Variants in DTX1 observed in about 807,000 individuals in gnomAD.
The protein encoded by DTX1 is deltex E3 ubiquitin ligase 1.
DTX1 carries 26 observed loss-of-function variants against 57.8 expected under a neutral mutation model. The observed-to-expected ratio is 0.45, with a 90% CI of 0.33 to 0.62. The LOEUF (loss-of-function observed/expected upper bound fraction) is 0.62, where lower values mean the gene tolerates loss of function less well. Among genes scored for constraint, DTX1 ranks in the 20% least tolerant of loss-of-function variants. The pLI, the probability that DTX1 is intolerant of heterozygous loss-of-function variation, is 0.02. For missense variants in DTX1, 704 were observed against 895.3 expected (o/e 0.79, Z 2.73); for synonymous variants, 398 against 394.1 (o/e 1.01, Z -0.12).
At chr12:113,075,436 A>G (rs2044764857) in intron 2 of DTX1, among the ~76,000 whole-genome samples, 1 of 152,232 alleles carries the variant, frequency 6.6e-6, no homozygotes, top group African/African-American at 2.4e-5. Flanking sequence ...ACTTTCCCGC[A>G]GTTGAGGGGA....
intron 3 of DTX1, among the ~76,000 whole-genome samples, chr12:113,088,389 C>T (rs1017342383): frequency 1.3e-5 from 2 of 152,204 alleles, no homozygotes; most frequent in African/African-American, 4.8e-5. Flanking sequence ...TAGTGGTATG[C>T]ACTCATATAT....
At chr12:113,070,433 C>T (rs180815241) in intron 2 of DTX1, among the ~76,000 whole-genome samples, 135 of 152,356 alleles carry the variant, frequency 8.9e-4, no homozygotes, top group Admixed American at 7.4e-3. Flanking sequence ...GATCACTTCC[C>T]TCCGGGAAGC....
intron 7 of DTX1, 30 bp from the exon 8 acceptor site, chr12:113,095,011 TG>T: frequency 6.2e-7 from 1 of 1,604,150 alleles, no homozygotes; most frequent in Non-Finnish European, 8.5e-7. Context: ...GGGGGGGTGC[TG>T]GGAACTCACT....
At position 113,093,988 on chromosome 12, in the gene DTX1, C is replaced by T. The variant is rs181092674; in HGVS notation, c.1166-50C>T. ...CTGACCCAGTTCTGAGCCAAGCCTT[C>T]GGGGACAGACTCTGGGTACCCTCAA... On this transcript the variant is annotated intron_variant, in intron 5 of 9. Transcript: ENST00000548759. The surrounding 1 kb of genome is among the most constrained non-coding windows in gnomAD (Gnocchi z 4.2). 26 of 1,556,818 alleles carry T rather than the reference C, an allele frequency of 1.7e-5. No individual in the cohort carries two copies. Among genetic ancestry groups the T allele is most frequent in the African/African-American group, 8.1e-5 (6 of 73,870 alleles).
Position 113,077,661 on chromosome 12 carries a change from G to A in DTX1, c.497G>A (p.Arg166His), listed in dbSNP as rs146714593. The A allele has an allele frequency of 1.9e-6, 3 of 1,578,632 alleles. No individual in the cohort carries two copies. Among genetic ancestry groups the A allele is most frequent in the African/African-American group, 1.4e-5 (1 of 73,664 alleles). ...CAGATGAACCGCCAGACGCGCCGGC[G>A]CCGCCGCCTGCGCCGCCGCCTGGAC... is the stretch of plus-strand genomic sequence containing the variant. ...MSQMNRQTRR[R>H]RRLRRRLDLA... Residue 166 changes from arginine to histidine, a missense_variant, in exon 3 of 10, where the codon CGC becomes CAC. Around this residue, in one of 3 missense-constraint regions of DTX1, gnomAD observed 237 missense variants for 328.6 expected, o/e 0.72. Coordinates refer to ENST00000548759, the MANE Select transcript of DTX1 (RefSeq NM_004416.3). The surrounding 1 kb of genome is among the most constrained non-coding windows in gnomAD (Gnocchi z 7.8).
In DTX1 at chr12:113,058,256, G is replaced by A. The variant is rs752771858; in HGVS notation, c.64G>A (p.Val22Met). 1.2e-6 allele frequency: 2 copies of A among 1,613,648 alleles called. No homozygotes were observed. The highest frequency in any genetic ancestry group is 2.2e-5 in the East Asian group (1 of 44,882). Residue 22 changes from valine to methionine, a missense_variant, in exon 2 of 10, where the codon GTG (valine) becomes ATG (methionine). Coordinates refer to ENST00000548759, the MANE Select transcript of DTX1 (RefSeq NM_004416.3). ...TGGTCTGGGCTTCCCACCGCAGAAC[G>A]TGGCCCGGGTGGTGGTGTGGGAGTG... ...VNGLGFPPQN[V>M]ARVVVWEWLN...
intron 2 of DTX1, 136 bp downstream of exon 2, chr12:113,058,587 G>T (rs1422949321): frequency 7.0e-7 from 1 of 1,431,174 alleles, no homozygotes; most frequent in Non-Finnish European, 9.3e-7. Context: ...CAGAAAAACA[G>T]GGCAGTCTAA....
chr12:113,060,241 T>C (rs1286095584), intron 2 of DTX1, among the ~76,000 whole-genome samples: 1 of 152,110 alleles, frequency 6.6e-6, no homozygotes, highest in Non-Finnish European at 1.5e-5. Context: ...ATCTCTGCTG[T>C]GTGTCAATTT....
chr12:113,058,496 A>T, intron 2 of DTX1, 45 bp downstream of exon 2: 2 of 1,561,354 alleles, frequency 1.3e-6, no homozygotes, highest in South Asian at 1.2e-5. Flanking sequence ...CCGAGCCATC[A>T]CTACCTTGCA....
intron 3 of DTX1, among the ~76,000 whole-genome samples, chr12:113,086,043 G>A (rs1375541919): frequency 6.6e-6 from 1 of 152,122 alleles, no homozygotes; most frequent in African/African-American, 2.4e-5. Context: ...TAAGGTGGGA[G>A]GATCACTTGA....
At chr12:113,070,862 G>A (rs570530942) in intron 2 of DTX1, among the ~76,000 whole-genome samples, 4 of 152,128 alleles carry the variant, frequency 2.6e-5, no homozygotes, top group Non-Finnish European at 2.9e-5. Flanking sequence ...TCACCTCTCC[G>A]GGCCTCAGTT....
At position 113,093,436 on chromosome 12, in the gene DTX1, A is replaced by C; in HGVS notation, c.1004-103A>C. On this transcript the variant is annotated intron_variant, in intron 4 of 9. Transcript: ENST00000548759. The surrounding 1 kb of genome is among the most constrained non-coding windows in gnomAD (Gnocchi z 4.2). The stretch of plus-strand genomic sequence containing the variant: ...CTGAGTGGGTGGGGCCCAAGAGCGC[A>C]ACCCTCCCACCCACCCGAGGGCCCC... The C allele has an allele frequency of 1.1e-6, 1 of 876,264 alleles. No individual in the cohort carries two copies. The highest frequency in any genetic ancestry group is 1.8e-5 in the South Asian group (1 of 55,970). The allele number at this position is 876,264 out of a possible 1,614,324, so 54.3% of individuals were successfully genotyped here.
chr12:113,078,084 C>A lies in DTX1; in HGVS notation c.920C>A (p.Ala307Glu). ...PGPQRTTSVS[A>E]RASIPPGVPA... ...CCCCAGCGCACCACCAGCGTGAGCGCGCGCGCCTCCATCCCGCCGGGGTAA... is the reference window on the plus strand; with the variant it reads ...CCCCAGCGCACCACCAGCGTGAGCGAGCGCGCCTCCATCCCGCCGGGGTAA... Residue 307 changes from alanine (A) to glutamate (E), a missense_variant, in exon 3 of 10, where the codon GCG becomes GAG. Around this residue, in one of 3 missense-constraint regions of DTX1, gnomAD observed 299 missense variants for 311.2 expected, o/e 0.96. Transcript: ENST00000548759. 1 of 1,399,618 alleles carries A rather than the reference C, an allele frequency of 7.1e-7. No homozygotes were observed. Among genetic ancestry groups the A allele is most frequent in the Non-Finnish European group, 9.3e-7 (1 of 1,076,446 alleles). The allele number at this position is 1,399,618 out of a possible 1,614,324, so 86.7% of individuals were successfully genotyped here.
Position 113,093,265 on chromosome 12 carries a change from T to C in DTX1, c.1003+42T>C. The C allele has an allele frequency of 6.4e-7, 1 of 1,552,902 alleles. No homozygotes were observed. Among genetic ancestry groups the C allele is most frequent in the Non-Finnish European group, 8.7e-7 (1 of 1,147,610 alleles). ...GGCGGGAAAGAAGGGCGGGGCCCAC[T>C]AGGAGGCAGCTCCGCCTGTCACCCG... On this transcript the variant is annotated intron_variant, in intron 4 of 9. Coordinates refer to ENST00000548759, the MANE Select transcript of DTX1 (RefSeq NM_004416.3). This position sits in a 1 kb window ranked among gnomAD's most constrained non-coding sequence, Gnocchi z 4.2.
chr12:113,069,814 C>A (rs757105080), intron 2 of DTX1, among the ~76,000 whole-genome samples: 6 of 152,126 alleles, frequency 3.9e-5, no homozygotes, highest in Non-Finnish European at 7.4e-5. Context: ...GCTGGCACTG[C>A]GGAGCATTCG....
In DTX1 at chr12:113,077,023, G is replaced by C. The variant is rs542168882; in HGVS notation, c.260-401G>C. ...TCTGTCTTGGCCCTGGAGAGGTGGA[G>C]GGTGGGGGAGCCCTCCACACCTTGC... On this transcript the variant is annotated intron_variant, in intron 2 of 9. Coordinates refer to ENST00000548759, the MANE Select transcript of DTX1 (RefSeq NM_004416.3). This position sits in a 1 kb window ranked among gnomAD's most constrained non-coding sequence, Gnocchi z 7.8. Among the ~76,000 whole-genome samples, 2 of 152,124 alleles carry C rather than the reference G, an allele frequency of 1.3e-5. No homozygotes were observed. The highest frequency in any genetic ancestry group is 2.9e-5 in the Non-Finnish European group (2 of 67,978).
intron 2 of DTX1, among the ~76,000 whole-genome samples, chr12:113,068,614 G>C (rs538589124): frequency 6.6e-6 from 1 of 152,352 alleles, no homozygotes; most frequent in South Asian, 2.1e-4. Flanking sequence ...GTGTGAGGCT[G>C]TGCAGACAGC....
At position 113,077,606 on chromosome 12, in the gene DTX1, TGC is replaced by T; in HGVS notation, c.443_444del (p.Cys148LeufsTer38). The T allele has an allele frequency of 6.2e-7, 1 of 1,613,306 alleles. No individual in the cohort carries two copies. On this transcript the variant is annotated frameshift_variant, in exon 3 of 10. Coordinates refer to ENST00000548759, the MANE Select transcript of DTX1 (RefSeq NM_004416.3). LOFTEE classifies it high-confidence loss of function. This position sits in a 1 kb window ranked among gnomAD's most constrained non-coding sequence, Gnocchi z 7.8. ...GCTCGACCTCTCATCGCTAGGCTTC[TGC>T]TACCTCATCTACTTCAACAGCATGT... ...PWLDLSSLGF[C>X]YLIYFNSMSQ...
At chr12:113,090,737 G>A (rs568909291) in intron 3 of DTX1, among the ~76,000 whole-genome samples, 6 of 152,334 alleles carry the variant, frequency 3.9e-5, no homozygotes, top group African/African-American at 1.4e-4. Flanking sequence ...CTGGCCACGT[G>A]ATACTATCCT....
Sources: allele counts gnomAD v4.1 joint callset (sites outside exome capture counted in the v4.1 genomes callset), GRCh38; gene constraint gnomAD v4.1.1; regional missense constraint gnomAD v4.1.1; non-coding constraint Gnocchi (gnomAD v3.1); transcripts MANE v1.5; gene names NCBI Gene and HGNC (gene_info 2026-07-23, HGNC 2026-07-21).